The following CSMD1 variants were observed in gnomAD, a reference collection of about 807,000 sequenced individuals.
The protein encoded by CSMD1 is CUB and Sushi multiple domains 1.
In CSMD1, 213 loss-of-function variants were observed where a neutral mutation model predicts 417.5. That is an observed-to-expected ratio of 0.51 (90% CI 0.46 to 0.57). CSMD1 has a LOEUF of 0.57. Among genes scored for constraint, CSMD1 ranks in the 20% least tolerant of loss-of-function variants. The pLI, the probability that CSMD1 is intolerant of heterozygous loss-of-function variation, is 0.00. For synonymous variants in CSMD1, 2,862 were observed against 1,736.8 expected (o/e 1.65, Z -16.11); for missense variants, 6,923 against 4,529.7 (o/e 1.53, Z -15.17).
chr8:4,563,905 T>A (rs933652731), intron 2 of CSMD1, among the ~76,000 whole-genome samples: 1 of 152,140 alleles, frequency 6.6e-6, no homozygotes, highest in African/African-American at 2.4e-5. Flanking sequence ...TTATTTAAAA[T>A]GTTTCTTCTG....
intron 2 of CSMD1, among the ~76,000 whole-genome samples, chr8:4,472,892 G>C (rs1191991786): frequency 6.6e-6 from 1 of 151,804 alleles, no homozygotes; most frequent in Admixed American, 6.6e-5. Flanking sequence ...AAAAATTATA[G>C]TAGAAATTTT....
At chr8:4,647,501 T>C (rs71523640) in intron 1 of CSMD1, among the ~76,000 whole-genome samples, 3,465 of 149,868 alleles carry the variant, frequency 0.023, 102 homozygotes, top group Admixed American at 0.076. Flanking sequence ...GTTTGTTACG[T>C]AGGTACGCGT....
chr8:3,309,225 G>C (rs1324707671), intron 23 of CSMD1, among the ~76,000 whole-genome samples: 1 of 152,116 alleles, frequency 6.6e-6, no homozygotes, highest in East Asian at 1.9e-4. Context: ...GTGCTTTGCA[G>C]AATCCTGACA....
At chr8:4,476,396 T>C (rs1800805125) in intron 2 of CSMD1, among the ~76,000 whole-genome samples, 1 of 152,222 alleles carries the variant, frequency 6.6e-6, no homozygotes, top group Admixed American at 6.5e-5. Flanking sequence ...GGAATTTTGG[T>C]AGTTAAGTGT....
At chr8:4,399,650 A>G (rs1308774597) in intron 3 of CSMD1, among the ~76,000 whole-genome samples, 1 of 152,100 alleles carries the variant, frequency 6.6e-6, no homozygotes, top group African/African-American at 2.4e-5. Context: ...AATTTCAATC[A>G]GCACATATTG....
rs532353944 is a variant in CSMD1 at position 3,957,868 on chromosome 8, G to A, written c.818+40035C>T. 3.9e-5 allele frequency among the ~76,000 whole-genome samples: 6 copies of A among 152,332 alleles called. No homozygotes were observed. In the South Asian group the frequency reaches 1.0e-3, roughly 26 times the overall value. ...GTAGCCCATAAGAGGCACATTTGGA[G>A]CCGATGTGGGGCTATCGCTGTATAA... On this transcript the variant is annotated intron_variant, in intron 5 of 69. Transcript: ENST00000635120.
At chr8:4,599,088 G>A (rs1278776673) in intron 2 of CSMD1, among the ~76,000 whole-genome samples, 2 of 152,288 alleles carry the variant, frequency 1.3e-5, no homozygotes, top group Non-Finnish European at 1.5e-5. Context: ...CAAAGACAAT[G>A]TTAGGATTAA....
At chr8:3,478,038 T>A (rs545234291) in intron 11 of CSMD1, among the ~76,000 whole-genome samples, 1 of 152,226 alleles carries the variant, frequency 6.6e-6, no homozygotes, top group Non-Finnish European at 1.5e-5. Flanking sequence ...CTGAAGTTAC[T>A]ATCATTTCCC....
At chr8:4,755,277 C>G (rs988967156) in intron 1 of CSMD1, among the ~76,000 whole-genome samples, 1 of 152,162 alleles carries the variant, frequency 6.6e-6, no homozygotes, top group Non-Finnish European at 1.5e-5. Context: ...ACTTTGCCTT[C>G]AACTTGGAAA....
chr8:4,371,857 T>G (rs66476968), intron 3 of CSMD1, among the ~76,000 whole-genome samples: 2 of 152,080 alleles, frequency 1.3e-5, no homozygotes, highest in Non-Finnish European at 2.9e-5. Flanking sequence ...TTGATCAAAA[T>G]AAATATTTAC....
rs555300900 is a variant in CSMD1 at position 3,239,065 on chromosome 8, A to G, written c.4154-8834T>C. On this transcript the variant is annotated intron_variant, in intron 26 of 69. Transcript: ENST00000635120. ...ATCTATACAGGAGTTTAAATGGGCT[A>G]TACCCTGTAGCATTCTGAGGACAGA... Among the ~76,000 whole-genome samples the G allele has an allele frequency of 2.0e-3, 306 of 152,326 alleles. 2 individuals are homozygous for G. Among genetic ancestry groups the G allele is most frequent in the African/African-American group, 7.3e-3 (302 of 41,570 alleles).
At chr8:3,583,151 A>G (rs1480189417) in intron 9 of CSMD1, among the ~76,000 whole-genome samples, 10 of 151,920 alleles carry the variant, frequency 6.6e-5, no homozygotes, top group Non-Finnish European at 1.5e-4. Flanking sequence ...CAGAATTCAG[A>G]TATAGTGCCA....
chr8:4,727,347 TA>T (rs1809527236), intron 1 of CSMD1, among the ~76,000 whole-genome samples: 1 of 152,070 alleles, frequency 6.6e-6, no homozygotes, highest in Non-Finnish European at 1.5e-5. Context: ...GACCATGAAA[TA>T]AAATGTTCAC....
intron 3 of CSMD1, among the ~76,000 whole-genome samples, chr8:4,417,928 A>G (rs894273875): frequency 2.0e-5 from 3 of 152,082 alleles, no homozygotes; most frequent in Middle Eastern, 6.3e-3. Flanking sequence ...ACTTGCAATA[A>G]ATATTGCTAT....
chr8:4,653,910 C>G (rs1472776270), intron 1 of CSMD1, among the ~76,000 whole-genome samples: 1 of 151,486 alleles, frequency 6.6e-6, no homozygotes, highest in Admixed American at 6.6e-5. Flanking sequence ...TCTCAGTAGT[C>G]ATTTTTTTTT....
chr8:3,905,516 A>G (rs1403566485), intron 5 of CSMD1, among the ~76,000 whole-genome samples: 1 of 152,234 alleles, frequency 6.6e-6, no homozygotes, highest in South Asian at 2.1e-4. Flanking sequence ...CCTGCTACCC[A>G]GCGTTTCTCA....
At chr8:3,316,570 C>T (rs141521039) in intron 23 of CSMD1, among the ~76,000 whole-genome samples, 15 of 152,194 alleles carry the variant, frequency 9.9e-5, no homozygotes, top group South Asian at 4.2e-4. Context: ...GCCTCCTGGA[C>T]GCCATCCACT....
intron 2 of CSMD1, among the ~76,000 whole-genome samples, chr8:4,544,613 T>C (rs1326117953): frequency 6.6e-6 from 1 of 152,170 alleles, no homozygotes; most frequent in Admixed American, 6.5e-5. Context: ...TCTTCAACTA[T>C]AAATAAAATA....
At chr8:3,402,614 TATTGTGAGCTTTTCA>T (rs1563350927) in intron 15 of CSMD1, among the ~76,000 whole-genome samples, 1 of 152,174 alleles carries the variant, frequency 6.6e-6, no homozygotes, top group African/African-American at 2.4e-5. Flanking sequence ...AAAATTGCTC[TATTGTGAGCTTTTCA>T]CTGTTTACGT....
Sources: allele counts gnomAD v4.1 joint callset (sites outside exome capture counted in the v4.1 genomes callset), GRCh38; gene constraint gnomAD v4.1.1; transcripts MANE v1.5; gene names NCBI Gene and HGNC (gene_info 2026-07-23, HGNC 2026-07-21).